LRCH2: variants seen among roughly 807,000 people sequenced by gnomAD.
LRCH2 encodes leucine-rich repeat and calponin homology domain-containing protein 2.
In LRCH2, 38 loss-of-function variants were observed where a neutral mutation model predicts 68.9. The ratio of observed to expected loss-of-function variants is 0.55; its 90% CI spans 0.43 to 0.72. LRCH2 has a LOEUF of 0.72. Among genes scored for constraint, LRCH2 ranks in the 30% least tolerant of loss-of-function variants. The probability of loss-of-function intolerance (pLI) is 0.00; values close to 1 mark genes in which losing one functional copy is unlikely to be tolerated. For synonymous variants in LRCH2, 191 were observed against 208.1 expected (o/e 0.92, Z 0.71); for missense variants, 528 against 572.9 (o/e 0.92, Z 0.80).
intron 14 of LRCH2, among the ~76,000 whole-genome samples, chrX:115,137,842 G>A (rs893943299): frequency 1.8e-5 from 2 of 111,022 alleles, no homozygotes; most frequent in Non-Finnish European, 3.8e-5. Context: ...CCAGCTACTC[G>A]GGAGGCTGAG....
In LRCH2 at chrX:115,209,354, TC is replaced by T. The variant is rs782582000; in HGVS notation, c.350-20985del. Among the ~76,000 whole-genome samples the T allele has an allele frequency of 4.5e-4, 50 of 111,767 alleles. No individual in the cohort carries two copies. The East Asian group carries it at 0.011, about 25-fold the overall frequency. ...TAATTGAATCACAGGGGCAAGTCTT[TC>T]CCATGCTTTTCTCATGATAGTGAAT... On this transcript the variant is annotated intron_variant, in intron 1 of 20. Coordinates refer to ENST00000317135, the MANE Select transcript of LRCH2 (RefSeq NM_020871.4).
At chrX:115,220,896 T>C (rs781928535) in intron 1 of LRCH2, among the ~76,000 whole-genome samples, 41 of 109,954 alleles carry the variant, frequency 3.7e-4, no homozygotes, top group Non-Finnish European at 7.2e-4. Context: ...TATAAGAATA[T>C]ATAAAAACCG....
At chrX:115,191,984 G>C (rs1556560573) in intron 1 of LRCH2, 2 of 1,165,643 alleles carry the variant, frequency 1.7e-6, no homozygotes. Context: ...TCCAGCAACA[G>C]TTACGACCGG....
intron 20 of LRCH2, among the ~76,000 whole-genome samples, chrX:115,120,362 A>G (rs1354391048): frequency 1.2e-5 from 1 of 81,892 alleles, no homozygotes; most frequent in African/African-American, 4.7e-5. Flanking sequence ...TGGGCGAAGG[A>G]CATGAACAGA....
intron 1 of LRCH2, among the ~76,000 whole-genome samples, chrX:115,211,387 T>C (rs1372762170): frequency 8.9e-6 from 1 of 111,757 alleles, no homozygotes; most frequent in Non-Finnish European, 1.9e-5. Flanking sequence ...ATGTGACAAG[T>C]GCCTTTCACC....
chrX:115,118,949 A>C (rs1297091384), intron 20 of LRCH2, among the ~76,000 whole-genome samples: 2 of 111,758 alleles, frequency 1.8e-5, no homozygotes, highest in Non-Finnish European at 3.8e-5. Context: ...GCAGAAAAGA[A>C]CTTTGACAAA....
intron 14 of LRCH2, among the ~76,000 whole-genome samples, chrX:115,138,664 A>T (rs1287035858): frequency 3.6e-5 from 4 of 111,932 alleles, no homozygotes; most frequent in African/African-American, 1.3e-4. Flanking sequence ...ATACAAGATG[A>T]TATACTTAAG....
At chrX:115,220,741 C>A in intron 1 of LRCH2, among the ~76,000 whole-genome samples, 1 of 111,410 alleles carries the variant, frequency 9.0e-6, no homozygotes, top group East Asian at 2.8e-4. Context: ...TATTAATCCT[C>A]AAAACATTTT....
At chrX:115,149,394 GAA>G (rs781836769) in intron 14 of LRCH2, among the ~76,000 whole-genome samples, 5 of 111,026 alleles carry the variant, frequency 4.5e-5, no homozygotes, top group Admixed American at 9.6e-5. Flanking sequence ...GTAACAAGAA[GAA>G]AAAAATGGAA....
intron 15 of LRCH2, among the ~76,000 whole-genome samples, chrX:115,127,421 A>G (rs1258546263): frequency 1.8e-5 from 2 of 112,111 alleles, no homozygotes; most frequent in African/African-American, 6.5e-5. Flanking sequence ...GAATATGCAC[A>G]CTACATAGAA....
intron 1 of LRCH2, among the ~76,000 whole-genome samples, chrX:115,204,891 G>A (rs1289923617): frequency 8.1e-5 from 9 of 111,698 alleles, no homozygotes; most frequent in African/African-American, 2.9e-4. Flanking sequence ...CAGTTCCAAA[G>A]TTGCTTCCAT....
intron 5 of LRCH2, among the ~76,000 whole-genome samples, chrX:115,174,599 CCCCACA>C (rs782259048): frequency 0.082 from 7,816 of 95,265 alleles, 283 homozygotes; most frequent in Non-Finnish European, 0.11. Context: ...ACACCCCCCC[CCCCACA>C]CACACACACA....
chrX:115,201,324 TCAAGTGGGTTTTATAC>T (rs1184519230), intron 1 of LRCH2, among the ~76,000 whole-genome samples: 1 of 111,769 alleles, frequency 8.9e-6, no homozygotes, highest in African/African-American at 3.3e-5. Context: ...TACACCATGA[TCAAGTGGGTTTTATAC>T]CAAGGATGCA....
chrX:115,137,162 T>G (rs1425919619), intron 14 of LRCH2, among the ~76,000 whole-genome samples: 2 of 111,468 alleles, frequency 1.8e-5, no homozygotes, highest in Non-Finnish European at 3.8e-5. Flanking sequence ...CAGAGAATTA[T>G]CCAACGGCTG....
intron 11 of LRCH2, among the ~76,000 whole-genome samples, chrX:115,158,550 G>A (rs1304620405): frequency 9.0e-6 from 1 of 111,635 alleles, no homozygotes; most frequent in African/African-American, 3.2e-5. Context: ...ACCTAGTTTT[G>A]CTTTCCATGA....
chrX:115,150,486 T>C (rs183531769), intron 12 of LRCH2, among the ~76,000 whole-genome samples: 278 of 111,526 alleles, frequency 2.5e-3, no homozygotes, highest in African/African-American at 8.3e-3. Context: ...ACTGAATTAC[T>C]GATTATGAGA....
intron 3 of LRCH2, 60 bp from the exon 4 acceptor site, chrX:115,179,811 A>G: frequency 6.6e-6 from 3 of 454,466 alleles, no homozygotes; most frequent in Non-Finnish European, 9.5e-6. Context: ...TATATTATAT[A>G]TATATATTCT....
chrX:115,190,622 G>GCCGCTCGCCCAACGCCCACAGCGGAGT, intron 1 of LRCH2: 1 of 1,159,878 alleles, frequency 8.6e-7, no homozygotes. Flanking sequence ...GAGTACAGAG[G>GCCGCTCGCCCAACGCCCACAGCGGAGT]CCGCTCGCCC....
chrX:115,130,533 C>T (rs782760719), intron 14 of LRCH2, among the ~76,000 whole-genome samples: 37 of 110,882 alleles, frequency 3.3e-4, no homozygotes, highest in Non-Finnish European at 7.6e-5. Context: ...GTCATCAAGT[C>T]GATTCTTTTT....
Sources: allele counts gnomAD v4.1 joint callset (sites outside exome capture counted in the v4.1 genomes callset), GRCh38; gene constraint gnomAD v4.1.1; transcripts MANE v1.5; gene names NCBI Gene and HGNC (gene_info 2026-07-23, HGNC 2026-07-21).